Variants in STK39 observed in about 807,000 individuals in gnomAD.
STK39 encodes serine/threonine kinase 39.
STK39 carries 20 observed loss-of-function variants against 77.8 expected under a neutral mutation model. The observed-to-expected ratio is 0.26, with a 90% confidence interval of 0.18 to 0.37. STK39 has a LOEUF of 0.37. Ranked by LOEUF, STK39 falls within the 10% of genes least tolerant of loss-of-function variation. The pLI, the probability that STK39 is intolerant of heterozygous loss-of-function variation, is 1.00. For synonymous variants in STK39, 246 were observed against 234.1 expected (o/e 1.05, Z -0.47); for missense variants, 479 against 656.5 (o/e 0.73, Z 2.95).
At chr2:168,198,560 T>C (rs986786689) in intron 1 of STK39, among the ~76,000 whole-genome samples, 4 of 152,182 alleles carry the variant, frequency 2.6e-5, no homozygotes, top group African/African-American at 9.7e-5. Context: ...AAGAAATACA[T>C]AGATTTCATT....
At chr2:168,081,866 G>GC (rs1420315385) in intron 10 of STK39, among the ~76,000 whole-genome samples, 2 of 152,142 alleles carry the variant, frequency 1.3e-5, no homozygotes, top group East Asian at 1.9e-4. Flanking sequence ...AGCTCTCTTT[G>GC]CCTACTGACA....
chr2:168,088,193 A>ATTTTT (rs1452801976), intron 10 of STK39, among the ~76,000 whole-genome samples: 1 of 152,208 alleles, frequency 6.6e-6, no homozygotes, highest in Non-Finnish European at 1.5e-5. Context: ...TTTTTTCAAC[A>ATTTTT]TACAAATGTA....
At chr2:168,200,661 A>G (rs972887249) in intron 1 of STK39, among the ~76,000 whole-genome samples, 1 of 149,076 alleles carries the variant, frequency 6.7e-6, no homozygotes, top group Non-Finnish European at 1.5e-5. Flanking sequence ...CGGAAAACAG[A>G]GCAAGACTCT....
chr2:168,058,454 C>T (rs1685581203), intron 14 of STK39, among the ~76,000 whole-genome samples: 1 of 152,322 alleles, frequency 6.6e-6, no homozygotes, highest in East Asian at 1.9e-4. Flanking sequence ...GATGATTCCA[C>T]TCATTTCATA....
intron 14 of STK39, among the ~76,000 whole-genome samples, chr2:168,026,027 T>C (rs1021580145): frequency 2.5e-4 from 38 of 152,214 alleles, no homozygotes; most frequent in African/African-American, 8.9e-4. Context: ...CCCTCGCAGA[T>C]TTAACAAGCT....
chr2:167,993,801 C>T (rs974591272), intron 16 of STK39, among the ~76,000 whole-genome samples: 3 of 152,020 alleles, frequency 2.0e-5, no homozygotes, highest in Admixed American at 1.3e-4. Context: ...AAGTTTTACA[C>T]CGTATGGTTT....
At chr2:168,148,367 C>T (rs1002179112) in intron 5 of STK39, among the ~76,000 whole-genome samples, 8 of 152,172 alleles carry the variant, frequency 5.3e-5, no homozygotes, top group African/African-American at 1.9e-4. Flanking sequence ...AGGGCCACCC[C>T]TTCCCTCCAA....
chr2:168,237,270 C>T (rs1383532597), intron 1 of STK39, among the ~76,000 whole-genome samples: 2 of 152,120 alleles, frequency 1.3e-5, no homozygotes, highest in Admixed American at 6.5e-5. Context: ...TATAAGAATG[C>T]TTGTGATTTT....
At chr2:168,157,508 G>C (rs1574511511) in intron 5 of STK39, among the ~76,000 whole-genome samples, 1 of 152,258 alleles carries the variant, frequency 6.6e-6, no homozygotes, top group Middle Eastern at 3.4e-3. Context: ...CAGTTCTGCA[G>C]GCTGGGAAGT....
At chr2:168,025,492 G>A (rs778188256) in intron 14 of STK39, among the ~76,000 whole-genome samples, 12 of 152,074 alleles carry the variant, frequency 7.9e-5, no homozygotes, top group South Asian at 2.1e-4. Flanking sequence ...GGCCACCATC[G>A]TCTACCACAG....
At chr2:168,004,867 T>C (rs1469853576) in intron 16 of STK39, among the ~76,000 whole-genome samples, 2 of 152,100 alleles carry the variant, frequency 1.3e-5, no homozygotes, top group Non-Finnish European at 2.9e-5. Context: ...TGATGCTATA[T>C]TTCTGGGCTG....
chr2:168,196,522 G>A (rs1689472941), intron 1 of STK39, among the ~76,000 whole-genome samples: 1 of 152,148 alleles, frequency 6.6e-6, no homozygotes, highest in African/African-American at 2.4e-5. Flanking sequence ...AAATTAGCAG[G>A]GCGGATGCCT....
At chr2:168,136,681 T>C (rs989740960) in intron 8 of STK39, among the ~76,000 whole-genome samples, 1 of 152,224 alleles carries the variant, frequency 6.6e-6, no homozygotes, top group African/African-American at 2.4e-5. Flanking sequence ...AAATTCTGTT[T>C]TCTTGAAGAT....
intron 14 of STK39, among the ~76,000 whole-genome samples, chr2:168,044,655 T>C (rs771162887): frequency 1.2e-4 from 19 of 152,268 alleles, no homozygotes; most frequent in Non-Finnish European, 2.4e-4. Context: ...AATCTACAAA[T>C]ACCCAAATTC....
At chr2:168,144,905 CAGG>C (rs1688094165) in intron 5 of STK39, among the ~76,000 whole-genome samples, 1 of 151,038 alleles carries the variant, frequency 6.6e-6, no homozygotes, top group Admixed American at 6.6e-5. Flanking sequence ...CGCTTGAGCC[CAGG>C]AGGTCGAGGA....
chr2:168,167,950 T>C (rs534813614), intron 2 of STK39, among the ~76,000 whole-genome samples: 15 of 152,288 alleles, frequency 9.8e-5, no homozygotes, highest in African/African-American at 3.6e-4. Flanking sequence ...CCACAGTAGA[T>C]ATTCCATTAA....
At chr2:168,166,572 C>T (rs1055875973) in intron 3 of STK39, among the ~76,000 whole-genome samples, 7 of 152,142 alleles carry the variant, frequency 4.6e-5, no homozygotes, top group African/African-American at 9.7e-5. Context: ...ACCTACTGGG[C>T]GCCAAGTTCA....
At chr2:168,037,005 T>C (rs1227781905) in intron 14 of STK39, among the ~76,000 whole-genome samples, 2 of 152,236 alleles carry the variant, frequency 1.3e-5, no homozygotes, top group African/African-American at 2.4e-5. Context: ...ACATTTTCAT[T>C]TCAAGGGAAA....
At chr2:167,982,910 TG>T (rs951250086) in intron 16 of STK39, among the ~76,000 whole-genome samples, 1 of 152,198 alleles carries the variant, frequency 6.6e-6, no homozygotes, top group African/African-American at 2.4e-5. Flanking sequence ...CCTTATTAGA[TG>T]CTTTAAAAAT....
Sources: gnomAD v4.1 joint callset for allele counts (sites outside exome capture counted in the v4.1 genomes callset) on GRCh38, gnomAD v4.1.1 for gene constraint, MANE v1.5 for transcripts, NCBI Gene and HGNC (gene_info 2026-07-23, HGNC 2026-07-21) for gene names.